ROBO1: variants seen among roughly 807,000 people sequenced by gnomAD.
The protein encoded by ROBO1 is roundabout homolog 1.
In ROBO1, 149 loss-of-function variants were observed where a neutral mutation model predicts 195.9. That is an observed-to-expected ratio of 0.76 (90% CI 0.67 to 0.87). The LOEUF (loss-of-function observed/expected upper bound fraction) is 0.87, where lower values mean the gene tolerates loss of function less well. Among genes scored for constraint, ROBO1 ranks in the 40% least tolerant of loss-of-function variants. The probability of loss-of-function intolerance (pLI) is 0.00; values close to 1 mark genes in which losing one functional copy is unlikely to be tolerated. For missense variants in ROBO1, 1,933 were observed against 2,068.3 expected (o/e 0.93, Z 1.27); for synonymous variants, 816 against 733.2 (o/e 1.11, Z -1.82).
intron 4 of ROBO1, among the ~76,000 whole-genome samples, chr3:78,757,999 T>C (rs1474228035): frequency 2.6e-5 from 4 of 152,180 alleles, no homozygotes; most frequent in Admixed American, 6.5e-5. Context: ...CATGCGATTG[T>C]GTAGCTGCGT....
At chr3:79,192,902 G>C (rs1489283964) in intron 2 of ROBO1, among the ~76,000 whole-genome samples, 1 of 151,606 alleles carries the variant, frequency 6.6e-6, no homozygotes, top group East Asian at 1.9e-4. Context: ...CAGAATATTA[G>C]TTTATTACAG....
intron 22 of ROBO1, among the ~76,000 whole-genome samples, chr3:78,639,437 G>A (rs1005292028): frequency 2.0e-5 from 3 of 152,140 alleles, no homozygotes; most frequent in Admixed American, 6.6e-5. Context: ...GTGAGATTCT[G>A]TCTCCAATAA....
At chr3:79,531,352 C>A (rs189288568) in intron 2 of ROBO1, among the ~76,000 whole-genome samples, 41 of 152,062 alleles carry the variant, frequency 2.7e-4, no homozygotes, top group African/African-American at 9.4e-4. Context: ...CCAGGCATGG[C>A]GGCTCAGGCC....
chr3:79,107,412 G>A (rs1453827311), intron 3 of ROBO1, among the ~76,000 whole-genome samples: 11 of 151,738 alleles, frequency 7.2e-5, no homozygotes, highest in Middle Eastern at 3.4e-3. Flanking sequence ...TTATAGCAGA[G>A]TTGCAAACAT....
At chr3:79,530,025 C>T (rs1941583822) in intron 2 of ROBO1, among the ~76,000 whole-genome samples, 1 of 152,136 alleles carries the variant, frequency 6.6e-6, no homozygotes, top group Admixed American at 6.5e-5. Context: ...TTTCCTTCCT[C>T]ACCAACCTAA....
chr3:79,548,232 T>G (rs538284225), intron 2 of ROBO1, among the ~76,000 whole-genome samples: 2 of 152,330 alleles, frequency 1.3e-5, no homozygotes, highest in African/African-American at 4.8e-5. Context: ...TTCATGAGCC[T>G]ATGATGCTGA....
chr3:79,134,345 C>A (rs1331999304), intron 2 of ROBO1, among the ~76,000 whole-genome samples: 1 of 118,106 alleles, frequency 8.5e-6, no homozygotes, highest in Non-Finnish European at 1.7e-5. Context: ...GAGATATCAT[C>A]TCACACCAGT....
intron 1 of ROBO1, among the ~76,000 whole-genome samples, chr3:79,608,296 C>T (rs576730248): frequency 1.3e-5 from 2 of 152,062 alleles, no homozygotes; most frequent in African/African-American, 4.8e-5. Context: ...GCTCAAGATC[C>T]TACACTGCTC....
At position 79,656,403 on chromosome 3, in the gene ROBO1, G is replaced by A. The variant is rs187057313; in HGVS notation, c.-50-66442C>T. On this transcript the variant is annotated intron_variant, in intron 1 of 30. Transcript: ENST00000464233. The stretch of plus-strand genomic sequence containing the variant: ...AAGCTTTAAAAATATTTAGGAGGGC[G>A]AACCATTCTTTCTCATCTCTTATCT... 2.4e-3 allele frequency among the ~76,000 whole-genome samples: 361 copies of A among 151,948 alleles called. 1 individual carries two copies. Among genetic ancestry groups the A allele is most frequent in the African/African-American group, 8.5e-3 (353 of 41,492 alleles).
In ROBO1 at chr3:78,673,534, T is replaced by C. The variant is rs995470724; in HGVS notation, c.1343-3233A>G. 1.1e-3 allele frequency among the ~76,000 whole-genome samples: 143 copies of C among 135,148 alleles called. 2 individuals carry two copies. The highest frequency in any genetic ancestry group is 3.8e-3 in the African/African-American group (141 of 37,516). The allele number at this position is 135,148 out of a possible 152,430, so 88.7% of individuals were successfully genotyped here. On this transcript the variant is annotated intron_variant, in intron 10 of 30. Transcript: ENST00000464233. Reference sequence around the variant, plus strand: ...ATAATATATAATATATATAAATATATATATATTACAGCTAGGTTACATATA... The same window carrying C: ...ATAATATATAATATATATAAATATACATATATTACAGCTAGGTTACATATA...
intron 8 of ROBO1, among the ~76,000 whole-genome samples, chr3:78,711,391 C>CTT (rs1316423111): frequency 4.6e-5 from 2 of 43,864 alleles, no homozygotes; most frequent in Non-Finnish European, 9.2e-5. Flanking sequence ...TCCTTCCTTC[C>CTT]TTCCTTCCTT....
chr3:79,665,553 G>A lies in ROBO1; in HGVS notation c.-50-75592C>T, dbSNP rs928163343. On this transcript the variant is annotated intron_variant, in intron 1 of 30. Transcript: ENST00000464233. The stretch of plus-strand genomic sequence containing the variant: ...AATACCAAATTGTAATTCAATAGCC[G>A]TGAGGTCTTGTAATGTAAATCAGTC... Among the ~76,000 whole-genome samples the A allele has an allele frequency of 2.6e-5, 4 of 151,692 alleles. No individual in the cohort carries two copies. The East Asian group carries it at 5.8e-4, about 22-fold the overall frequency.
intron 2 of ROBO1, among the ~76,000 whole-genome samples, chr3:79,245,159 CAT>C (rs1443003741): frequency 1.3e-5 from 2 of 152,076 alleles, no homozygotes; most frequent in Non-Finnish European, 2.9e-5. Context: ...TAAAAGATCA[CAT>C]AGTCTGTTGT....
intron 2 of ROBO1, among the ~76,000 whole-genome samples, chr3:79,511,838 C>A (rs1940722435): frequency 6.6e-6 from 1 of 152,084 alleles, no homozygotes; most frequent in South Asian, 2.1e-4. Context: ...CCAAATACTG[C>A]CTGTTCACAC....
rs559532265 is a variant in ROBO1 at position 78,985,050 on chromosome 3, G to A, written c.173-46123C>T. 1.0e-3 allele frequency among the ~76,000 whole-genome samples: 155 copies of A among 152,088 alleles called. No individual in the cohort carries two copies. In the Middle Eastern group the frequency reaches 0.014, roughly 13 times the overall value. On this transcript the variant is annotated intron_variant, in intron 3 of 30. Coordinates refer to ENST00000464233, the MANE Select transcript of ROBO1 (RefSeq NM_002941.4). ...TCTTCCTCATGATTTGCAGTGGCTCGCACCTGTAATCCCAGCACTTTGGGA... is the reference window on the plus strand; with the variant it reads ...TCTTCCTCATGATTTGCAGTGGCTCACACCTGTAATCCCAGCACTTTGGGA...
chr3:78,955,482 T>C (rs1250449699), intron 3 of ROBO1, among the ~76,000 whole-genome samples: 1 of 152,132 alleles, frequency 6.6e-6, no homozygotes, highest in Non-Finnish European at 1.5e-5. Flanking sequence ...ATGAATATAA[T>C]AAAATTCCTT....
In ROBO1 at chr3:79,367,240, C is replaced by T. The variant is rs539405765; in HGVS notation, c.88+222584G>A. ...TTTCTCTTGACTCACTGTCCTTGGT[C>T]TCTATCAGAAGGAGTTAGAGACTGA... On this transcript the variant is annotated intron_variant, in intron 2 of 30. Transcript: ENST00000464233. 2.0e-5 allele frequency among the ~76,000 whole-genome samples: 3 copies of T among 151,910 alleles called. No homozygotes were observed. In the South Asian group the frequency reaches 6.2e-4, roughly 32 times the overall value.
intron 10 of ROBO1, 106 bp from the exon 11 acceptor site, chr3:78,670,407 T>C: frequency 1.1e-6 from 1 of 895,528 alleles, no homozygotes; most frequent in Non-Finnish European, 1.7e-6. Context: ...TAAAGATAAT[T>C]AAACAAGTAA....
chr3:79,510,968 A>G (rs374432764), intron 2 of ROBO1, among the ~76,000 whole-genome samples: 38 of 152,300 alleles, frequency 2.5e-4, no homozygotes, highest in African/African-American at 9.1e-4. Flanking sequence ...CATAATTGAG[A>G]TGCATGATTT....
Sources: allele counts gnomAD v4.1 joint callset (sites outside exome capture counted in the v4.1 genomes callset), GRCh38; gene constraint gnomAD v4.1.1; transcripts MANE v1.5; gene names NCBI Gene and HGNC (gene_info 2026-07-23, HGNC 2026-07-21).